The following ZFYVE21 variants were observed in gnomAD, a reference collection of about 807,000 sequenced individuals.
The protein encoded by ZFYVE21 is zinc finger FYVE domain-containing protein 21.
A neutral mutation model predicts 29.5 loss-of-function variants in ZFYVE21; 21 were observed. That is an observed-to-expected ratio of 0.71 (90% CI 0.50 to 1.02). The LOEUF is 1.02. Ranked by LOEUF, ZFYVE21 falls within the 50% of genes least tolerant of loss-of-function variation. The probability of loss-of-function intolerance (pLI) is 0.00; values close to 1 mark genes in which losing one functional copy is unlikely to be tolerated. For missense variants in ZFYVE21, 326 were observed against 335.4 expected (o/e 0.97, Z 0.22); for synonymous variants, 151 against 133.8 (o/e 1.13, Z -0.89).
chr14:103,729,880 A>G (rs746157802), intron 5 of ZFYVE21: 9 of 1,535,246 alleles, frequency 5.9e-6, no homozygotes, highest in Admixed American at 2.0e-5. Context: ...GGCTCCCCGC[A>G]TGCAGCGGGC....
intron 2 of ZFYVE21, 200 bp from the exon 3 acceptor site, chr14:103,727,546 C>G: frequency 1.4e-6 from 1 of 722,746 alleles, no homozygotes; most frequent in Middle Eastern, 3.2e-4. Flanking sequence ...GAAAAAAGGG[C>G]CTCATTTCCC....
In ZFYVE21 at chr14:103,716,771, T is replaced by G. The variant is rs930572617; in HGVS notation, c.138+792T>G. On this transcript the variant is annotated intron_variant, in intron 1 of 6. Transcript: ENST00000311141. The surrounding 1 kb of genome is among the most constrained non-coding windows in gnomAD (Gnocchi z 4.8). ...GCTGGGCCTCCCGTGGGGTTCCCTG[T>G]GACCTGATCGGAGGTGCCTTTGCCT... Among the ~76,000 whole-genome samples, 8 of 152,270 alleles carry G rather than the reference T, an allele frequency of 5.3e-5. 1 individual carries two copies. In the South Asian group the frequency reaches 1.4e-3, roughly 28 times the overall value.
At chr14:103,719,701 T>C (rs2083857611) in intron 1 of ZFYVE21, among the ~76,000 whole-genome samples, 1 of 151,980 alleles carries the variant, frequency 6.6e-6, no homozygotes, top group East Asian at 1.9e-4. Flanking sequence ...TGGGTAAAGC[T>C]CACCCCTGTG....
chr14:103,732,594 C>T lies in ZFYVE21; in HGVS notation c.527-26C>T, dbSNP rs374308011. ...TGGGCACTCAGGGCCTCCTTTGGGC[C>T]GTCTTACCTCGTCTCTCTCCTCCAG... On this transcript the variant is annotated intron_variant, in intron 5 of 6. Coordinates refer to ENST00000311141, the MANE Select transcript of ZFYVE21 (RefSeq NM_024071.4). 17 of 1,533,418 alleles carry T rather than the reference C, an allele frequency of 1.1e-5. No individual in the cohort carries two copies. In the East Asian group the frequency reaches 1.4e-4, roughly 12 times the overall value. The allele number at this position is 1,533,418 out of a possible 1,614,324, so 95.0% of individuals were successfully genotyped here. A position where few individuals can be genotyped will look rare whatever the true frequency, so the allele number is the denominator to read the frequency against.
At chr14:103,720,132 G>A (rs1233763917) in intron 1 of ZFYVE21, among the ~76,000 whole-genome samples, 2 of 152,012 alleles carry the variant, frequency 1.3e-5, no homozygotes, top group African/African-American at 4.8e-5. Flanking sequence ...ACACCCCACC[G>A]CGGGGTCCCT....
chr14:103,729,265 C>G, intron 5 of ZFYVE21, 83 bp downstream of exon 5: 2 of 1,436,384 alleles, frequency 1.4e-6, no homozygotes, highest in Non-Finnish European at 1.9e-6. Flanking sequence ...CTTTTGGGAT[C>G]AGGCAGCTGC....
intron 1 of ZFYVE21, among the ~76,000 whole-genome samples, chr14:103,724,280 A>G (rs1472897358): frequency 6.6e-6 from 1 of 152,244 alleles, no homozygotes; most frequent in African/African-American, 2.4e-5. Flanking sequence ...CAGCCCCAGC[A>G]GTGTTCGCCG....
At chr14:103,728,858 G>A in intron 3 of ZFYVE21, 50 bp from the exon 4 acceptor site, 2 of 1,586,854 alleles carry the variant, frequency 1.3e-6, no homozygotes, top group Non-Finnish European at 1.7e-6. Flanking sequence ...GGAAGGGTTA[G>A]GTGGAAAAGA....
At chr14:103,718,304 G>T (rs143795169) in intron 1 of ZFYVE21, among the ~76,000 whole-genome samples, 73 of 152,264 alleles carry the variant, frequency 4.8e-4, no homozygotes, top group African/African-American at 1.7e-3. Context: ...CCCAGTGCCC[G>T]TCTCCCGAAT....
At chr14:103,729,859 C>G in intron 5 of ZFYVE21, 1 of 1,536,082 alleles carries the variant, frequency 6.5e-7, no homozygotes, top group Non-Finnish European at 8.7e-7. Flanking sequence ...CAGCCTCTTC[C>G]TCCTCACCGG....
rs988981991 is a variant in ZFYVE21, at chr14:103,718,873, C to T, written c.138+2894C>T. Among the ~76,000 whole-genome samples the T allele has an allele frequency of 2.6e-5, 4 of 152,172 alleles. 1 individual carries two copies. Among genetic ancestry groups the T allele is most frequent in the South Asian group, 4.1e-4 (2 of 4,834 alleles). On this transcript the variant is annotated intron_variant, in intron 1 of 6. Transcript: ENST00000311141. Reference sequence around the variant, plus strand: ...AGCCAGGAAGGAGAGAGCACGTGCGCGTCTGATCACGAGCCTGGACTCGGA... The same window carrying T: ...AGCCAGGAAGGAGAGAGCACGTGCGTGTCTGATCACGAGCCTGGACTCGGA...
intron 2 of ZFYVE21, chr14:103,727,239 C>T (rs184956118): frequency 2.8e-6 from 1 of 353,374 alleles, no homozygotes; most frequent in South Asian, 2.2e-5. Context: ...AGCCACCACA[C>T]CCAGCCGTTA....
intron 1 of ZFYVE21, among the ~76,000 whole-genome samples, chr14:103,721,986 G>C (rs986634683): frequency 2.6e-5 from 4 of 152,220 alleles, no homozygotes; most frequent in Non-Finnish European, 5.9e-5. Flanking sequence ...CTGGGCTTTG[G>C]TGTATTCTCC....
intron 3 of ZFYVE21, among the ~76,000 whole-genome samples, chr14:103,728,458 C>G (rs2083948556): frequency 6.6e-6 from 1 of 152,198 alleles, no homozygotes; most frequent in Non-Finnish European, 1.5e-5. Flanking sequence ...GCCGTGGGGT[C>G]TGGGACCACC....
chr14:103,720,660 C>T (rs1327419649), intron 1 of ZFYVE21, among the ~76,000 whole-genome samples: 1 of 152,160 alleles, frequency 6.6e-6, no homozygotes, highest in Non-Finnish European at 1.5e-5. Flanking sequence ...CCAAACCCCA[C>T]TCTTTGGGGT....
At chr14:103,729,449 C>T (rs780580141) in intron 5 of ZFYVE21, 19 of 571,644 alleles carry the variant, frequency 3.3e-5, no homozygotes, top group Non-Finnish European at 5.9e-5. Context: ...TCTAAATGCT[C>T]TAACGTATCA....
chr14:103,728,106 T>C (rs1020625885), intron 3 of ZFYVE21, 192 bp downstream of exon 3: 14 of 612,702 alleles, frequency 2.3e-5, no homozygotes, highest in Non-Finnish European at 1.3e-5. Flanking sequence ...AGGCGGAATG[T>C]CGTCTAAAAT....
chr14:103,728,679 G>T, intron 3 of ZFYVE21: 4 of 507,520 alleles, frequency 7.9e-6, no homozygotes, highest in Non-Finnish European at 7.0e-6. Context: ...TAGGAGCTTT[G>T]TAAGCAAGCA....
At position 103,728,089 on chromosome 14, in the gene ZFYVE21, T is replaced by C. The variant is rs2083945255; in HGVS notation, c.358+175T>C. On this transcript the variant is annotated intron_variant, in intron 3 of 6. Transcript: ENST00000311141. Reference sequence around the variant, plus strand: ...GAAGCGGTTATAGAGCCTTCCCTTCTTTTCAGAGGCGGAATGTCGTCTAAA... The same window carrying C: ...GAAGCGGTTATAGAGCCTTCCCTTCCTTTCAGAGGCGGAATGTCGTCTAAA... 2.3e-5 allele frequency: 15 copies of C among 657,426 alleles called. No homozygotes were observed. The South Asian group carries it at 3.5e-4, about 15-fold the overall frequency. The allele number at this position is 657,426 out of a possible 1,614,324, so 40.7% of individuals were successfully genotyped here. A position where few individuals can be genotyped will look rare whatever the true frequency, so the allele number is the denominator to read the frequency against.
Sources: allele counts gnomAD v4.1 joint callset (sites outside exome capture counted in the v4.1 genomes callset), GRCh38; gene constraint gnomAD v4.1.1; non-coding constraint Gnocchi (gnomAD v3.1); transcripts MANE v1.5; gene names NCBI Gene and HGNC (gene_info 2026-07-23, HGNC 2026-07-21).